Variants in ACSL6 observed in about 807,000 individuals in gnomAD.
The protein encoded by ACSL6 is long-chain-fatty-acid--CoA ligase 6.
ACSL6 carries 47 observed loss-of-function variants against 98.2 expected under a neutral mutation model. The observed-to-expected ratio is 0.48, with a 90% confidence interval of 0.38 to 0.61. The LOEUF (loss-of-function observed/expected upper bound fraction) is 0.61. ACSL6 is among the 20% of genes least tolerant of loss of function. The pLI is 0.00. For synonymous variants in ACSL6, 362 were observed against 336.9 expected (o/e 1.07, Z -0.82); for missense variants, 761 against 913.4 (o/e 0.83, Z 2.15).
chr5:131,982,287 G>A (rs1243027729), intron 9 of ACSL6: 2 of 149,842 alleles, frequency 1.3e-5, no homozygotes, highest in African/African-American at 4.9e-5. Flanking sequence ...GGGACTACAG[G>A]CGCCCGCCAC....
chr5:132,009,560 C>T (rs560231661), intron 1 of ACSL6, among the ~76,000 whole-genome samples: 2 of 152,328 alleles, frequency 1.3e-5, no homozygotes, highest in East Asian at 1.9e-4. Flanking sequence ...CCAATAAGCA[C>T]CATAGACCAG....
intron 1 of ACSL6, among the ~76,000 whole-genome samples, chr5:131,996,125 T>G (rs1754781409): frequency 6.6e-6 from 1 of 152,218 alleles, no homozygotes; most frequent in Non-Finnish European, 1.5e-5. Context: ...TCTAGCCAAG[T>G]GTGGTATTTT....
intron 8 of ACSL6, 54 bp from the exon 9 acceptor site, chr5:131,985,512 G>A (rs867643907): frequency 2.5e-6 from 4 of 1,599,876 alleles, no homozygotes; most frequent in African/African-American, 2.7e-5. Flanking sequence ...GCCAGCCAGG[G>A]CCCAAGATGC....
At chr5:131,969,743 C>T (rs933110082) in intron 15 of ACSL6, among the ~76,000 whole-genome samples, 3 of 152,096 alleles carry the variant, frequency 2.0e-5, no homozygotes, top group Admixed American at 6.6e-5. Context: ...TTGAGAACTA[C>T]GTTCTCCTGT....
intron 1 of ACSL6, among the ~76,000 whole-genome samples, chr5:132,000,512 AGGGGTGTG>A (rs1251786068): frequency 1.3e-5 from 2 of 152,032 alleles, no homozygotes; most frequent in Non-Finnish European, 2.9e-5. Flanking sequence ...TGTGAGGCTT[AGGGGTGTG>A]GGTGGCTACT....
chr5:131,966,187 C>T (rs1270669353), intron 17 of ACSL6, among the ~76,000 whole-genome samples: 1 of 152,140 alleles, frequency 6.6e-6, no homozygotes, highest in Non-Finnish European at 1.5e-5. Context: ...TCTCCAAGAC[C>T]TCAGCCACAC....
intron 1 of ACSL6, among the ~76,000 whole-genome samples, chr5:132,007,719 G>C (rs974386448): frequency 6.6e-6 from 1 of 152,200 alleles, no homozygotes; most frequent in African/African-American, 2.4e-5. Context: ...GTTTGCAATA[G>C]TTAATCCCAT....
intron 2 of ACSL6, among the ~76,000 whole-genome samples, chr5:131,991,925 G>C (rs1005181421): frequency 2.0e-5 from 3 of 152,168 alleles, no homozygotes; most frequent in African/African-American, 7.2e-5. Flanking sequence ...TGCTTTCAAG[G>C]ACCAAGCCCA....
At chr5:132,009,918 C>T (rs1031853318) in intron 1 of ACSL6, among the ~76,000 whole-genome samples, 15 of 152,168 alleles carry the variant, frequency 9.9e-5, no homozygotes, top group Non-Finnish European at 2.2e-4. Context: ...AGAGAGCTGA[C>T]CTTGGACCCA....
Position 132,011,647 on chromosome 5 carries a change from G to A in ACSL6, c.-94C>T. On this transcript the variant is annotated 5_prime_UTR_variant, in exon 1 of 21. Transcript: ENST00000651883. This position sits in a 1 kb window ranked among gnomAD's most constrained non-coding sequence, Gnocchi z 5.4. ...CAGCAGCCCCAGCAGTAGCCGCGCC[G>A]CCGCCGCCGCTGCCGGGTATTTTTA... 7.9e-7 allele frequency: 1 copy of A among 1,258,810 alleles called. No individual in the cohort carries two copies. The highest frequency in any genetic ancestry group is 1.0e-6 in the Non-Finnish European group (1 of 999,496). 78.0% of individuals were successfully genotyped at this position (1,258,810 alleles called of 1,614,324 possible). A position where few individuals can be genotyped will look rare whatever the true frequency, so the allele number is the denominator to read the frequency against.
chr5:131,973,352 T>C lies in ACSL6; in HGVS notation c.1117A>G (p.Ile373Val). ...GGRVGFFQGDIRLLSDDMKAL... is the reference protein window; with the variant it reads ...GGRVGFFQGDVRLLSDDMKAL... ...TTCATGTCATCTGAGAGAAGGCGGA[T>C]ATCTCCCTGGAAGAAGCCAACACGC... Residue 373 changes from isoleucine to valine, a missense_variant, in exon 12 of 21, where the codon ATC becomes GTC. Ile to Val is a conservative substitution (Grantham distance 29). Coordinates refer to ENST00000651883, the MANE Select transcript of ACSL6 (RefSeq NM_001009185.3). The C allele has an allele frequency of 6.2e-7, 1 of 1,614,200 alleles. No homozygotes were observed. The highest frequency in any genetic ancestry group is 8.5e-7 in the Non-Finnish European group (1 of 1,180,022).
At chr5:132,011,670 T>G, upstream of ACSL6, 1 of 1,265,394 alleles carries the variant, frequency 7.9e-7, no homozygotes, top group Non-Finnish European at 1.0e-6. This position sits in a 1 kb window ranked among gnomAD's most constrained non-coding sequence, Gnocchi z 5.4. Flanking sequence ...CCGGGTATTT[T>G]TAGCCCCCGC....
In ACSL6 at chr5:132,011,647, G is replaced by T; in HGVS notation, c.-94C>A. On this transcript the variant is annotated 5_prime_UTR_variant, in exon 1 of 21. Transcript: ENST00000651883. The surrounding 1 kb of genome is among the most constrained non-coding windows in gnomAD (Gnocchi z 5.4). ...CAGCAGCCCCAGCAGTAGCCGCGCCGCCGCCGCCGCTGCCGGGTATTTTTA... is the reference window on the plus strand; with the variant it reads ...CAGCAGCCCCAGCAGTAGCCGCGCCTCCGCCGCCGCTGCCGGGTATTTTTA... 5 of 1,258,810 alleles carry T rather than the reference G, an allele frequency of 4.0e-6. No homozygotes were observed. The highest frequency in any genetic ancestry group is 5.0e-6 in the Non-Finnish European group (5 of 999,496). The allele number at this position is 1,258,810 out of a possible 1,614,324, so 78.0% of individuals were successfully genotyped here.
Position 131,950,602 on chromosome 5 carries a change from A to T in ACSL6, c.*3632T>A, listed in dbSNP as rs954743812. 13 of 192,850 alleles carry T rather than the reference A, an allele frequency of 6.7e-5. No individual in the cohort carries two copies. Among genetic ancestry groups the T allele is most frequent in the Admixed American group, 1.2e-4 (2 of 16,322 alleles). The allele number at this position is 192,850 out of a possible 1,614,324, so 11.9% of individuals were successfully genotyped here. On this transcript the variant is annotated 3_prime_UTR_variant, in exon 21 of 21. Coordinates refer to ENST00000651883, the MANE Select transcript of ACSL6 (RefSeq NM_001009185.3). ...CTTTTTTTCCTGAGATATTAAGCAC[A>T]TTTGTAAGTAGTCTGTTTTCATGCA...
Position 131,959,599 on chromosome 5 carries a change from C to T in ACSL6, c.1968G>A (p.Lys656=). 1 of 1,614,170 alleles carries T rather than the reference C, an allele frequency of 6.2e-7. No homozygotes were observed. The highest frequency in any genetic ancestry group is 8.5e-7 in the Non-Finnish European group (1 of 1,179,990). ...TCACCATATCTTCCAAAATGGCTTT[C>T]TTCAGATCCTGAATCAAACCATATG... The part of the protein sequence containing the change: ...YADLCTNKDL[K]KAILEDMVRL... The change falls in exon 20 of 21, where the codon AAG becomes AAA. Residue 656 remains lysine, a synonymous_variant. Coordinates refer to ENST00000651883, the MANE Select transcript of ACSL6 (RefSeq NM_001009185.3).
chr5:131,964,237 G>T (rs1477202996), intron 17 of ACSL6, among the ~76,000 whole-genome samples: 1 of 152,156 alleles, frequency 6.6e-6, no homozygotes, highest in African/African-American at 2.4e-5. Flanking sequence ...AATCTCATTT[G>T]TGAATATAAA....
intron 1 of ACSL6, chr5:131,999,609 G>A (rs1031399614): frequency 5.9e-5 from 9 of 152,334 alleles, no homozygotes; most frequent in Non-Finnish European, 1.2e-4. Context: ...CTGAGAAGCC[G>A]GGTGGTGGTA....
At chr5:131,966,266 G>A in intron 17 of ACSL6, 150 bp downstream of exon 17, 1 of 706,742 alleles carries the variant, frequency 1.4e-6, no homozygotes, top group Non-Finnish European at 2.5e-6. Flanking sequence ...TGGGGCTCAG[G>A]GAAGGAAGAG....
chr5:132,003,931 G>A (rs554580482), intron 1 of ACSL6: 18 of 152,226 alleles, frequency 1.2e-4, no homozygotes, highest in African/African-American at 4.3e-4. Flanking sequence ...CCTTTTTTTG[G>A]ATAAGGAAAC....
Sources: allele counts gnomAD v4.1 joint callset (sites outside exome capture counted in the v4.1 genomes callset), GRCh38; gene constraint gnomAD v4.1.1; non-coding constraint Gnocchi (gnomAD v3.1); transcripts MANE v1.5; gene names NCBI Gene and HGNC (gene_info 2026-07-23, HGNC 2026-07-21).